The following RTN1 variants were observed in gnomAD, a reference collection of about 807,000 sequenced individuals.
RTN1 encodes the protein reticulon-1.
In RTN1, 25 loss-of-function variants were observed where a neutral mutation model predicts 65.5. The ratio of observed to expected loss-of-function variants is 0.38; its 90% CI spans 0.28 to 0.53. The LOEUF (loss-of-function observed/expected upper bound fraction) is 0.53. Among genes scored for constraint, RTN1 ranks in the 20% least tolerant of loss-of-function variants. RTN1 has a pLI of 0.79. For missense variants in RTN1, 983 were observed against 1,025.4 expected, an observed-to-expected ratio of 0.96 and a Z score of 0.57; for synonymous variants, 471 against 447.6, an observed-to-expected ratio of 1.05 and a Z score of -0.66.
rs924286478 is a variant in RTN1, at chr14:59,846,065, C to G, written c.241+24325G>C. ...ATTGCAGAAAAACAGTAATAACAAC[C>G]CTGATGTCTGTAAGCAAACAGCCAG... On this transcript the variant is annotated intron_variant, in intron 1 of 8. Transcript: ENST00000267484. This position sits in a 1 kb window ranked among gnomAD's most constrained non-coding sequence, Gnocchi z 4.8. Among the ~76,000 whole-genome samples, 24 of 152,046 alleles carry G rather than the reference C, an allele frequency of 1.6e-4. No homozygotes were observed. The highest frequency in any genetic ancestry group is 5.8e-4 in the African/African-American group (24 of 41,396).
chr14:59,728,169 T>G (rs1267087675), intron 2 of RTN1, among the ~76,000 whole-genome samples: 1 of 152,140 alleles, frequency 6.6e-6, no homozygotes. Context: ...ATCCTCTCCT[T>G]TAGCAAGACA....
intron 3 of RTN1, among the ~76,000 whole-genome samples, chr14:59,704,149 TTA>T (rs1170091794): frequency 2.0e-5 from 3 of 152,130 alleles, no homozygotes; most frequent in African/African-American, 7.2e-5. Flanking sequence ...CTGATGAAAG[TTA>T]CGATCTTGGT....
intron 3 of RTN1, among the ~76,000 whole-genome samples, chr14:59,645,223 C>T (rs1882865183): frequency 6.6e-6 from 1 of 152,184 alleles, no homozygotes; most frequent in African/African-American, 2.4e-5. Context: ...GATGGAGCTC[C>T]CAGAGGGAGT....
chr14:59,869,643 C>G (rs1423371516), intron 1 of RTN1, among the ~76,000 whole-genome samples: 1 of 151,906 alleles, frequency 6.6e-6, no homozygotes. Flanking sequence ...CCACCCAAGC[C>G]CTCCAACCCA....
Position 59,774,869 on chromosome 14 carries a change from TAAGTG to T in RTN1, c.242-28393_242-28389del, listed in dbSNP as rs1886021698. On this transcript the variant is annotated intron_variant, in intron 1 of 8. Coordinates refer to ENST00000267484, the MANE Select transcript of RTN1 (RefSeq NM_021136.3). The surrounding 1 kb of genome is among the most constrained non-coding windows in gnomAD (Gnocchi z 5.1). ...GATTAAAGTACCGTCTTTTTCTCAT[TAAGTG>T]AAGAGGCAAAAACATCCAAGTAACC... Among the ~76,000 whole-genome samples the T allele has an allele frequency of 6.6e-6, 1 of 152,196 alleles. No homozygotes were observed. Among genetic ancestry groups the T allele is most frequent in the South Asian group, 2.1e-4 (1 of 4,830 alleles).
chr14:59,846,314 C>T lies in RTN1; in HGVS notation c.241+24076G>A, dbSNP rs1282161946. Among the ~76,000 whole-genome samples the T allele has an allele frequency of 6.6e-6, 1 of 152,170 alleles. No individual in the cohort carries two copies. Among genetic ancestry groups the T allele is most frequent in the East Asian group, 1.9e-4 (1 of 5,182 alleles). ...CTCCTCCTTGCTCACCTACAGCAGACATCACTCATTAATCCCGGCATTCTT... is the reference window on the plus strand; with the variant it reads ...CTCCTCCTTGCTCACCTACAGCAGATATCACTCATTAATCCCGGCATTCTT... On this transcript the variant is annotated intron_variant, in intron 1 of 8. Transcript: ENST00000267484. This position sits in a 1 kb window ranked among gnomAD's most constrained non-coding sequence, Gnocchi z 4.8.
At chr14:59,826,796 A>G (rs1455106200) in intron 1 of RTN1, among the ~76,000 whole-genome samples, 1 of 152,216 alleles carries the variant, frequency 6.6e-6, no homozygotes, top group African/African-American at 2.4e-5. Flanking sequence ...TGGAAAAAAG[A>G]CAGGGCCCTG....
chr14:59,683,600 A>T (rs1378307530), intron 3 of RTN1, among the ~76,000 whole-genome samples: 1 of 152,170 alleles, frequency 6.6e-6, no homozygotes, highest in Non-Finnish European at 1.5e-5. Context: ...TTGTTTTTCA[A>T]ACCAGGTGAG....
Position 59,838,831 on chromosome 14 carries a change from A to T in RTN1, c.241+31559T>A, listed in dbSNP as rs11850606. The stretch of plus-strand genomic sequence containing the variant: ...GTAATATTTTGGCCATTAAAGGCAC[A>T]CATAATTGAGAAGATTAAGATCATT... On this transcript the variant is annotated intron_variant, in intron 1 of 8. Coordinates refer to ENST00000267484, the MANE Select transcript of RTN1 (RefSeq NM_021136.3). Among the ~76,000 whole-genome samples, 707 of 152,292 alleles carry T rather than the reference A, an allele frequency of 4.6e-3. 9 individuals carry two copies. The highest frequency in any genetic ancestry group is 0.016 in the African/African-American group (684 of 41,564).
Position 59,664,810 on chromosome 14 carries a change from A to AT in RTN1, c.1766-57319dup, listed in dbSNP as rs139624669. 4.1e-3 allele frequency among the ~76,000 whole-genome samples: 617 copies of AT among 151,708 alleles called. 20 individuals carry two copies. The East Asian group carries it at 0.094, about 23-fold the overall frequency. On this transcript the variant is annotated intron_variant, in intron 3 of 8. Coordinates refer to ENST00000267484, the MANE Select transcript of RTN1 (RefSeq NM_021136.3). ...TAACTGCTGTGAACATCTGTGTATA[A>AT]TTTTTTTTTGTGCAAGCGTAAGTTT...
At chr14:59,630,727 C>A (rs1882530339) in intron 3 of RTN1, 1 of 1,114,570 alleles carries the variant, frequency 9.0e-7, no homozygotes, top group Non-Finnish European at 1.1e-6. Context: ...GAGCCGCCTG[C>A]GCGCATGGGG....
At chr14:59,740,657 C>T (rs1885098209) in intron 2 of RTN1, among the ~76,000 whole-genome samples, 1 of 152,088 alleles carries the variant, frequency 6.6e-6, no homozygotes. Flanking sequence ...GAAGGTGCTA[C>T]CTTAAAAATA....
intron 1 of RTN1, among the ~76,000 whole-genome samples, chr14:59,864,700 T>A (rs547989743): frequency 1.3e-5 from 2 of 152,332 alleles, no homozygotes; most frequent in African/African-American, 4.8e-5. Flanking sequence ...TAAAACTAAT[T>A]ACAATGGTTA....
At position 59,674,506 on chromosome 14, in the gene RTN1, G is replaced by C. The variant is rs527494342; in HGVS notation, c.1765+52413C>G. Among the ~76,000 whole-genome samples, 3 of 152,314 alleles carry C rather than the reference G, an allele frequency of 2.0e-5. No homozygotes were observed. The East Asian group carries it at 5.8e-4, about 29-fold the overall frequency. Reference sequence around the variant, plus strand: ...AAGCACGGAGTTGGAGAGATGAAAAGATATTTTAAAGAGAGCTACAAATTG... The same window carrying C: ...AAGCACGGAGTTGGAGAGATGAAAACATATTTTAAAGAGAGCTACAAATTG... On this transcript the variant is annotated intron_variant, in intron 3 of 8. Transcript: ENST00000267484.
At chr14:59,777,608 G>A (rs548646893) in intron 1 of RTN1, among the ~76,000 whole-genome samples, 1 of 152,114 alleles carries the variant, frequency 6.6e-6, no homozygotes, top group South Asian at 2.1e-4. Context: ...TTAATGCTGG[G>A]CCCTGAATCC....
chr14:59,708,070 T>C (rs1301221698), intron 3 of RTN1, among the ~76,000 whole-genome samples: 1 of 152,188 alleles, frequency 6.6e-6, no homozygotes, highest in African/African-American at 2.4e-5. Context: ...TTTAAAAACA[T>C]ACAGATGAAA....
rs1192113202 is a variant in RTN1, at chr14:59,849,125, T to C, written c.241+21265A>G. ...GAAACAATAGAATTATGCAAATTAG[T>C]TGTCACCCCTACTTAGATTAACCAA... On this transcript the variant is annotated intron_variant, in intron 1 of 8. Transcript: ENST00000267484. This position sits in a 1 kb window ranked among gnomAD's most constrained non-coding sequence, Gnocchi z 4.5. 1.3e-5 allele frequency among the ~76,000 whole-genome samples: 2 copies of C among 152,202 alleles called. No homozygotes were observed. The highest frequency in any genetic ancestry group is 2.4e-5 in the African/African-American group (1 of 41,450).
chr14:59,712,407 T>G (rs1566694360), intron 3 of RTN1, among the ~76,000 whole-genome samples: 1 of 152,088 alleles, frequency 6.6e-6, no homozygotes, highest in African/African-American at 2.4e-5. Context: ...AAAACTACAG[T>G]CAACAGAAAA....
chr14:59,675,201 G>A (rs904707507), intron 3 of RTN1, among the ~76,000 whole-genome samples: 5 of 152,094 alleles, frequency 3.3e-5, no homozygotes, highest in African/African-American at 1.2e-4. Flanking sequence ...AGGTTTCCTG[G>A]AATAAATAGT....
Sources: gnomAD v4.1 joint callset for allele counts (sites outside exome capture counted in the v4.1 genomes callset) on GRCh38, gnomAD v4.1.1 for gene constraint, Gnocchi (gnomAD v3.1) non-coding constraint, MANE v1.5 for transcripts, NCBI Gene and HGNC (gene_info 2026-07-23, HGNC 2026-07-21) for gene names.